Variants in ABCA5 observed in about 807,000 individuals in gnomAD.
ABCA5 encodes the protein cholesterol transporter ABCA5.
ABCA5 carries 163 observed loss-of-function variants against 206.0 expected under a neutral mutation model. The observed-to-expected ratio is 0.79, with a 90% CI of 0.70 to 0.90. The LOEUF (loss-of-function observed/expected upper bound fraction) is 0.90, where lower values mean the gene tolerates loss of function less well. Among genes scored for constraint, ABCA5 ranks in the 40% least tolerant of loss-of-function variants. The pLI is 0.00. For missense variants in ABCA5, 1,859 were observed against 1,912.9 expected (o/e 0.97, Z 0.53); for synonymous variants, 609 against 613.8 (o/e 0.99, Z 0.11).
Position 69,275,436 on chromosome 17 carries a change from C to A in ABCA5, c.2595-1308G>T, listed in dbSNP as rs142109148. ...TTCAGCAATTTATAAATTTCACATACCCCGTAATTTTTTTAAAAAAATTCT... is the reference window on the plus strand; with the variant it reads ...TTCAGCAATTTATAAATTTCACATAACCCGTAATTTTTTTAAAAAAATTCT... On this transcript the variant is annotated intron_variant, in intron 19 of 38. Transcript: ENST00000392676. 4.7e-3 allele frequency among the ~76,000 whole-genome samples: 716 copies of A among 152,072 alleles called. 5 individuals are homozygous for A. Among genetic ancestry groups the A allele is most frequent in the African/African-American group, 0.016 (658 of 41,500 alleles).
chr17:69,278,559 A>G (rs545095060), intron 18 of ABCA5, among the ~76,000 whole-genome samples: 1 of 152,310 alleles, frequency 6.6e-6, no homozygotes, highest in East Asian at 1.9e-4. Flanking sequence ...GGGATTACTG[A>G]GGTTGTACAT....
Position 69,254,270 on chromosome 17 carries a change from C to T in ABCA5, c.4244+45G>A, listed in dbSNP as rs756870072. 1.2e-5 allele frequency: 18 copies of T among 1,481,822 alleles called. 1 individual carries two copies. The South Asian group carries it at 2.4e-4, about 19-fold the overall frequency. 91.8% of individuals were successfully genotyped at this position (1,481,822 alleles called of 1,614,324 possible). ...AAATTTTAAAAATATGAAATGCAAA[C>T]CTTTCCTCTAAGTAACAAAAGGAAT... On this transcript the variant is annotated intron_variant, in intron 32 of 38. Coordinates refer to ENST00000392676, the MANE Select transcript of ABCA5 (RefSeq NM_172232.4).
Position 69,301,159 on chromosome 17 carries a change from T to TA in ABCA5, c.1246dup (p.Tyr416LeufsTer3). ...CATACCTGGAATGACTTGATCAAGA[T>TA]AGACAGCCAAGAGGACATAGAATAT... On this transcript the variant is annotated frameshift_variant, in exon 9 of 39. Coordinates refer to ENST00000392676, the MANE Select transcript of ABCA5 (RefSeq NM_172232.4). LOFTEE classifies it high-confidence loss of function. 1 of 1,562,446 alleles carries TA rather than the reference T, an allele frequency of 6.4e-7. No individual in the cohort carries two copies. The highest frequency in any genetic ancestry group is 8.6e-7 in the Non-Finnish European group (1 of 1,163,220).
intron 17 of ABCA5, 53 bp from the exon 18 acceptor site, chr17:69,284,125 T>C: frequency 1.1e-5 from 15 of 1,364,040 alleles, no homozygotes; most frequent in Non-Finnish European, 1.4e-5. Flanking sequence ...TATCATAAAT[T>C]ATTGTAAAAT....
rs1470459182 is a variant in ABCA5, at chr17:69,264,717, CAACT to C, written c.3315+14_3315+17del. The C allele has an allele frequency of 1.4e-6, 2 of 1,480,694 alleles. No individual in the cohort carries two copies. Among genetic ancestry groups the C allele is most frequent in the Non-Finnish European group, 1.8e-6 (2 of 1,111,188 alleles). 91.7% of individuals were successfully genotyped at this position (1,480,694 alleles called of 1,614,324 possible). A position where few individuals can be genotyped will look rare whatever the true frequency, so the allele number is the denominator to read the frequency against. Reference sequence around the variant, plus strand: ...ATTCTATCTATAAATAGCATGAGTACAACTAACGTTAACTTACCACAGCAAGGAA... The same window carrying C: ...ATTCTATCTATAAATAGCATGAGTACAACGTTAACTTACCACAGCAAGGAA... On this transcript the variant is annotated intron_variant, in intron 24 of 38. Transcript: ENST00000392676.
chr17:69,308,631 G>GT (rs1425874046), intron 4 of ABCA5, among the ~76,000 whole-genome samples: 9 of 152,098 alleles, frequency 5.9e-5, no homozygotes, highest in African/African-American at 2.2e-4. Context: ...ATTAATTGTA[G>GT]TTATTTAAAA....
At chr17:69,286,935 G>A (rs2075461603) in intron 15 of ABCA5, among the ~76,000 whole-genome samples, 1 of 152,166 alleles carries the variant, frequency 6.6e-6, no homozygotes, top group African/African-American at 2.4e-5. Context: ...GCAGGTCAGA[G>A]GCTTCTATCC....
chr17:69,293,856 G>T (rs772811072), intron 11 of ABCA5, among the ~76,000 whole-genome samples: 1 of 102,188 alleles, frequency 9.8e-6, no homozygotes, highest in Non-Finnish European at 2.2e-5. Context: ...GTGTGTGTGT[G>T]TGTGTGTGTG....
intron 7 of ABCA5, 110 bp downstream of exon 7, chr17:69,304,559 A>C (rs1156372849): frequency 1.0e-6 from 1 of 957,482 alleles, no homozygotes; most frequent in Non-Finnish European, 1.4e-6. Flanking sequence ...CAATTAGTAA[A>C]ATCTGTCTTT....
Position 69,253,788 on chromosome 17 carries a change from A to G in ABCA5, c.4320+6T>C. ...ACAGGCATTATTTGGTGTTTAATGA[A>G]AGTACCTTTCGTTTGATTCCTGCAG... On this transcript the variant is annotated splice_donor_region_variant and intron_variant, in intron 33 of 38. Coordinates refer to ENST00000392676, the MANE Select transcript of ABCA5 (RefSeq NM_172232.4). 8.1e-6 allele frequency: 13 copies of G among 1,610,920 alleles called. No individual in the cohort carries two copies. Among genetic ancestry groups the G allele is most frequent in the Non-Finnish European group, 1.1e-5 (13 of 1,177,746 alleles).
rs539421237 is a variant in ABCA5 at position 69,301,973 on chromosome 17, C to T, written c.1120-687G>A. ...TCTTCGTTCCTAGAGAACGCGGACT[C>T]GGGGACTCAATGAACTCTCAAAATG... On this transcript the variant is annotated intron_variant, in intron 8 of 38. Transcript: ENST00000392676. Among the ~76,000 whole-genome samples, 16 of 152,202 alleles carry T rather than the reference C, an allele frequency of 1.1e-4. No homozygotes were observed. The East Asian group carries it at 2.3e-3, about 22-fold the overall frequency.
intron 28 of ABCA5, among the ~76,000 whole-genome samples, chr17:69,257,324 A>C (rs1475655238): frequency 2.6e-5 from 4 of 150,996 alleles, no homozygotes; most frequent in Non-Finnish European, 4.4e-5. Flanking sequence ...ACTGCACTCC[A>C]GCCTGGGTGA....
intron 9 of ABCA5, among the ~76,000 whole-genome samples, chr17:69,300,677 G>A (rs1030745769): frequency 1.3e-5 from 2 of 152,142 alleles, no homozygotes; most frequent in Non-Finnish European, 2.9e-5. Context: ...TACAGGTGTA[G>A]AATACAGACA....
intron 3 of ABCA5, among the ~76,000 whole-genome samples, chr17:69,311,171 CA>C (rs2075764782): frequency 6.6e-6 from 1 of 151,522 alleles, no homozygotes; most frequent in Non-Finnish European, 1.5e-5. Context: ...ACCAGCTTGA[CA>C]GTGAGATCCC....
At chr17:69,248,392 A>G in intron 37 of ABCA5, 75 bp from the exon 38 acceptor site, 1 of 801,396 alleles carries the variant, frequency 1.2e-6, no homozygotes, top group East Asian at 2.8e-5. Flanking sequence ...AGTGGCTAAC[A>G]ATGTTTTAAA....
chr17:69,301,075 T>A, intron 9 of ABCA5, 64 bp downstream of exon 9: 9 of 1,385,876 alleles, frequency 6.5e-6, no homozygotes, highest in Non-Finnish European at 8.6e-6. Flanking sequence ...AAAATTAAGC[T>A]GACCCTATGT....
At chr17:69,314,474 G>C in intron 1 of ABCA5, 44 bp from the exon 2 acceptor site, 1 of 1,187,088 alleles carries the variant, frequency 8.4e-7, no homozygotes, top group Non-Finnish European at 1.2e-6. Context: ...GAGCCACGCA[G>C]TAAACTGCAT....
chr17:69,296,065 AT>A (rs953510202), intron 10 of ABCA5, among the ~76,000 whole-genome samples: 1 of 151,996 alleles, frequency 6.6e-6, no homozygotes, highest in African/African-American at 2.4e-5. Flanking sequence ...CAATTTATGG[AT>A]TTTTTTTCAT....
chr17:69,297,484 C>A, intron 9 of ABCA5, 125 bp from the exon 10 acceptor site: 1 of 765,274 alleles, frequency 1.3e-6, no homozygotes, highest in Non-Finnish European at 2.1e-6. Flanking sequence ...ATATATATTT[C>A]CAAACATCAT....
Sources: gnomAD v4.1 joint callset for allele counts (sites outside exome capture counted in the v4.1 genomes callset) on GRCh38, gnomAD v4.1.1 for gene constraint, MANE v1.5 for transcripts, NCBI Gene and HGNC (gene_info 2026-07-23, HGNC 2026-07-21) for gene names.